Variants in GFRA2 observed in about 807,000 individuals in gnomAD.
GFRA2 encodes GDNF family receptor alpha-2.
A neutral mutation model predicts 48.3 loss-of-function variants in GFRA2; 17 were observed. The observed-to-expected ratio is 0.35, with a 90% CI of 0.24 to 0.53. The LOEUF (loss-of-function observed/expected upper bound fraction) is 0.53, where lower values mean the gene tolerates loss of function less well. GFRA2 is among the 20% of genes least tolerant of loss of function. GFRA2 has a pLI of 0.93. For missense variants in GFRA2, 660 were observed against 637.3 expected, an observed-to-expected ratio of 1.04 and a Z score of -0.38; for synonymous variants, 305 against 257.2, an observed-to-expected ratio of 1.19 and a Z score of -1.78.
chr8:21,788,896 CCCCCT>C, upstream of GFRA2: 1 of 644,220 alleles, frequency 1.6e-6, no homozygotes. Flanking sequence ...CTCTCTCCCT[CCCCCT>C]TCTCCCACTC....
intron 4 of GFRA2, among the ~76,000 whole-genome samples, chr8:21,726,609 T>TC (rs1803882527): frequency 6.6e-6 from 1 of 152,178 alleles, no homozygotes; most frequent in South Asian, 2.1e-4. Context: ...CTGCACCACT[T>TC]CAGCGTCTGT....
In GFRA2 at chr8:21,750,622, G is replaced by C; in HGVS notation, c.760C>G (p.Leu254Val). 6.2e-7 allele frequency: 1 copy of C among 1,612,504 alleles called. No individual in the cohort carries two copies. The highest frequency in any genetic ancestry group is 8.5e-7 in the Non-Finnish European group (1 of 1,179,150). Residue 254 changes from leucine (L) to valine (V), a missense_variant, in exon 4 of 9, where the codon CTG becomes GTG. Transcript: ENST00000524240. This position sits in a 1 kb window ranked among gnomAD's most constrained non-coding sequence, Gnocchi z 5.7. ...EDKEKPNCLDLRGVCRTDHLC... is the reference protein window; with the variant it reads ...EDKEKPNCLDVRGVCRTDHLC... ...TGGTCAGTCCGGCACACGCCACGCAGGTCCAGGCAGTTGGGCTTCTCCTTG... is the reference window on the plus strand; with the variant it reads ...TGGTCAGTCCGGCACACGCCACGCACGTCCAGGCAGTTGGGCTTCTCCTTG...
chr8:21,731,763 A>T (rs1804208401), intron 4 of GFRA2, among the ~76,000 whole-genome samples: 1 of 152,228 alleles, frequency 6.6e-6, no homozygotes, highest in Admixed American at 6.5e-5. Context: ...GCAGACAGAA[A>T]CTGCAGCAAG....
intron 2 of GFRA2, among the ~76,000 whole-genome samples, chr8:21,778,048 G>C (rs747157959): frequency 6.6e-6 from 1 of 152,208 alleles, no homozygotes; most frequent in Non-Finnish European, 1.5e-5. Context: ...CTAAGTCCCA[G>C]GAAGGCGGAG....
intron 4 of GFRA2, among the ~76,000 whole-genome samples, chr8:21,742,443 C>G (rs1315052867): frequency 1.3e-5 from 2 of 152,182 alleles, no homozygotes; most frequent in South Asian, 2.1e-4. Flanking sequence ...CCATCAAGAA[C>G]CCAGCCAGGA....
chr8:21,722,998 A>G (rs903847263), intron 4 of GFRA2, among the ~76,000 whole-genome samples: 1 of 152,300 alleles, frequency 6.6e-6, no homozygotes, highest in East Asian at 1.9e-4. Flanking sequence ...CAGGGAGAGG[A>G]GGCAGTCACT....
intron 1 of GFRA2, among the ~76,000 whole-genome samples, chr8:21,783,576 T>C (rs755296431): frequency 6.6e-6 from 1 of 152,072 alleles, no homozygotes; most frequent in African/African-American, 2.4e-5. Context: ...CAGGGAGAGA[T>C]GAGCCTAACT....
intron 3 of GFRA2, among the ~76,000 whole-genome samples, chr8:21,773,540 G>A (rs1162830467): frequency 6.6e-6 from 1 of 152,204 alleles, no homozygotes; most frequent in East Asian, 1.9e-4. Flanking sequence ...AGCAAAAGCT[G>A]GTTCTTGGGT....
chr8:21,710,093 G>T (rs945929967), intron 4 of GFRA2, among the ~76,000 whole-genome samples: 1 of 152,204 alleles, frequency 6.6e-6, no homozygotes, highest in African/African-American at 2.4e-5. Context: ...AGCCACTGGG[G>T]AAGGAGTGGG....
At chr8:21,762,416 G>C (rs1805959392) in intron 3 of GFRA2, among the ~76,000 whole-genome samples, 1 of 152,078 alleles carries the variant, frequency 6.6e-6, no homozygotes, top group Admixed American at 6.5e-5. Flanking sequence ...CCTCAAATCA[G>C]TCCTGGAAGT....
intron 4 of GFRA2, among the ~76,000 whole-genome samples, chr8:21,716,050 C>T (rs982971188): frequency 6.6e-6 from 1 of 152,106 alleles, no homozygotes; most frequent in Admixed American, 6.5e-5. Flanking sequence ...CGGCCAGGCG[C>T]GGTGGCTCAC....
At chr8:21,719,639 A>G (rs1385484742) in intron 4 of GFRA2, among the ~76,000 whole-genome samples, 2 of 152,224 alleles carry the variant, frequency 1.3e-5, no homozygotes, top group East Asian at 1.9e-4. Context: ...ATGACTTATT[A>G]TTGTGTTAAG....
chr8:21,770,157 C>T (rs1465309364), intron 3 of GFRA2, among the ~76,000 whole-genome samples: 2 of 152,230 alleles, frequency 1.3e-5, no homozygotes, highest in Non-Finnish European at 2.9e-5. Context: ...ATCACCTCTA[C>T]TCCAGTCACC....
In GFRA2 at chr8:21,761,529, A is replaced by G. The variant is rs183015779; in HGVS notation, c.440-10587T>C. Reference sequence around the variant, plus strand: ...TTGAGCCTCACTTTCCTCACCTGCAAAACTGGGATAGAACATCTACCTGCC... The same window carrying G: ...TTGAGCCTCACTTTCCTCACCTGCAGAACTGGGATAGAACATCTACCTGCC... On this transcript the variant is annotated intron_variant, in intron 3 of 8. Transcript: ENST00000524240. 8.9e-4 allele frequency among the ~76,000 whole-genome samples: 135 copies of G among 152,324 alleles called. 1 individual carries two copies. Among genetic ancestry groups the G allele is most frequent in the Middle Eastern group, 3.4e-3 (1 of 294 alleles).
chr8:21,766,860 G>C (rs1009411291), intron 3 of GFRA2, among the ~76,000 whole-genome samples: 4 of 472 alleles, frequency 8.5e-3, no homozygotes, highest in Non-Finnish European at 0.015. Flanking sequence ...TGCACACCCT[G>C]TCCCACACAC....
At chr8:21,763,650 C>T (rs1324795817) in intron 3 of GFRA2, among the ~76,000 whole-genome samples, 1 of 152,060 alleles carries the variant, frequency 6.6e-6, no homozygotes, top group Non-Finnish European at 1.5e-5. Flanking sequence ...ACATCCCAAC[C>T]TCAAGCCACC....
At position 21,788,767 on chromosome 8, in the gene GFRA2, T is replaced by C; in HGVS notation, c.-608A>G. On this transcript the variant is annotated 5_prime_UTR_variant, in exon 1 of 9. Transcript: ENST00000524240. ...AACCCTTGCTCGGCTCACTTTTTTC[T>C]AATGGAATTCCAGTGACCGTGTGTC... The C allele has an allele frequency of 3.0e-6, 3 of 985,490 alleles. No homozygotes were observed. The South Asian group carries it at 1.4e-4, about 46-fold the overall frequency. 61.0% of individuals were successfully genotyped at this position (985,490 alleles called of 1,614,324 possible). A position where few individuals can be genotyped will look rare whatever the true frequency, so the allele number is the denominator to read the frequency against.
chr8:21,784,413 A>G (rs1807164861), intron 1 of GFRA2: 2 of 450,874 alleles, frequency 4.4e-6, no homozygotes, highest in Non-Finnish European at 9.0e-6. Flanking sequence ...CCTAGGCCAG[A>G]AGTCCCCTCC....
intron 3 of GFRA2, among the ~76,000 whole-genome samples, chr8:21,758,102 C>G (rs565714950): frequency 1.3e-5 from 2 of 151,932 alleles, no homozygotes; most frequent in Admixed American, 1.3e-4. Flanking sequence ...CGGCTGGCAC[C>G]TGGGCATCTG....
Sources: allele counts gnomAD v4.1 joint callset (sites outside exome capture counted in the v4.1 genomes callset), GRCh38; gene constraint gnomAD v4.1.1; non-coding constraint Gnocchi (gnomAD v3.1); transcripts MANE v1.5; gene names NCBI Gene and HGNC (gene_info 2026-07-23, HGNC 2026-07-21).